Variants in NBPF20 observed in about 807,000 individuals in gnomAD.
The protein encoded by NBPF20 is NBPF member 20.
A neutral mutation model predicts 68.1 loss-of-function variants in NBPF20; 90 were observed. The ratio of observed to expected loss-of-function variants is 1.32; its 90% confidence interval spans 1.11 to 1.58. The LOEUF (loss-of-function observed/expected upper bound fraction) is 1.58. Among genes scored for constraint, NBPF20 ranks in the 40% most tolerant of loss-of-function variants. NBPF20 has a pLI of 0.00. For synonymous variants in NBPF20, 290 were observed against 228.1 expected, an observed-to-expected ratio of 1.27 and a Z score of -2.45; for missense variants, 816 against 601.2, an observed-to-expected ratio of 1.36 and a Z score of -3.74.
chr1:145,397,872 CT>C (rs1441038432), intron 7 of NBPF20, among the ~76,000 whole-genome samples: 6 of 151,942 alleles, frequency 3.9e-5, no homozygotes, highest in Admixed American at 6.6e-5. Flanking sequence ...TAGGCTCAAA[CT>C]AAAGGGATGG....
chr1:145,400,001 A>G (rs1290502610), intron 6 of NBPF20, among the ~76,000 whole-genome samples: 1 of 152,188 alleles, frequency 6.6e-6, no homozygotes, highest in African/African-American at 2.4e-5. Flanking sequence ...CGGGGGAACA[A>G]TATTTCCAAA....
intron 119 of NBPF20, among the ~76,000 whole-genome samples, chr1:145,306,380 C>A (rs1661411939): frequency 1.4e-5 from 2 of 141,806 alleles, no homozygotes; most frequent in African/African-American, 5.1e-5. Context: ...TAACAGGACA[C>A]TCTGAGTTAG....
upstream of NBPF20, among the ~76,000 whole-genome samples, chr1:145,409,351 G>A (rs868962751): frequency 6.8e-6 from 1 of 146,792 alleles, no homozygotes. Flanking sequence ...ATCCATACGT[G>A]GCAGGCCAGG....
chr1:145,394,020 G>A, intron 8 of NBPF20, 85 bp from the exon 14 acceptor site: 3 of 797,590 alleles, frequency 3.8e-6, no homozygotes, highest in Admixed American at 1.7e-5. Flanking sequence ...TCCTAACACA[G>A]GGACATCAGT....
chr1:145,415,366 T>C, the NBPF20 span, among the ~76,000 whole-genome samples: 1 of 151,694 alleles, frequency 6.6e-6, no homozygotes, highest in African/African-American at 2.4e-5. Context: ...CTTCCTCTTA[T>C]CTCAACTGCA....
intron 1 of NBPF20, 49 bp from the exon 7 acceptor site, chr1:145,405,356 C>G: frequency 1.3e-6 from 2 of 1,483,160 alleles, no homozygotes; most frequent in South Asian, 2.3e-5. Flanking sequence ...CTGGTGAAAT[C>G]AAATAGGTTT....
chr1:145,393,351 G>C (rs1415713945), intron 9 of NBPF20, 105 bp from the exon 15 acceptor site: 9,295 of 699,536 alleles, frequency 0.013, 82 homozygotes, highest in Non-Finnish European at 0.017. Flanking sequence ...AAAAGAAAAA[G>C]GACAGATCCA....
intron 137 of NBPF20, 52 bp from the exon 143 acceptor site, chr1:145,291,821 A>T (rs1422082188): frequency 4.3e-6 from 7 of 1,611,952 alleles, no homozygotes; most frequent in Non-Finnish European, 5.1e-6. Context: ...CAGAAACCAC[A>T]GAGCCCCACT....
intron 137 of NBPF20, 99 bp from the exon 143 acceptor site, chr1:145,291,868 GA>G (rs1174390628): frequency 6.3e-7 from 1 of 1,598,308 alleles, no homozygotes; most frequent in Non-Finnish European, 8.5e-7. Context: ...GGTTAGAAAA[GA>G]AAAAGGATAG....
the NBPF20 span, among the ~76,000 whole-genome samples, chr1:145,422,591 T>C: frequency 3.3e-5 from 5 of 151,464 alleles, no homozygotes; most frequent in Non-Finnish European, 7.4e-5. Context: ...TGGATGACCA[T>C]GCAGTCATCC....
intron 113 of NBPF20, among the ~76,000 whole-genome samples, chr1:145,311,075 T>G (rs1571348323): frequency 1.4e-5 from 1 of 72,560 alleles, no homozygotes; most frequent in Non-Finnish European, 2.5e-5. Flanking sequence ...GCTCAGCGAG[T>G]TGGCCGGGTG....
chr1:145,408,779 G>A (rs1662903250), upstream of NBPF20, among the ~76,000 whole-genome samples: 1 of 151,848 alleles, frequency 6.6e-6, no homozygotes, highest in African/African-American at 2.4e-5. Flanking sequence ...GCTTTTAGGG[G>A]CCTCGTACCT....
upstream of NBPF20, chr1:145,405,604 T>C (rs1553667060): frequency 2.7e-6 from 2 of 732,550 alleles, no homozygotes; most frequent in South Asian, 1.9e-5. Context: ...GGGGGTGTCA[T>C]GGAATCTTAG....
chr1:145,408,128 G>A, upstream of NBPF20: 1 of 217,924 alleles, frequency 4.6e-6, no homozygotes, highest in East Asian at 1.1e-4. Flanking sequence ...TCATCAGCAA[G>A]TAATGTTATG....
chr1:145,292,047 G>A (rs191053052), intron 137 of NBPF20, among the ~76,000 whole-genome samples: 1 of 149,412 alleles, frequency 6.7e-6, no homozygotes, highest in Non-Finnish European at 1.5e-5. Flanking sequence ...GGAGTCAAAG[G>A]ACACTCTGAG....
intron 109 of NBPF20, among the ~76,000 whole-genome samples, chr1:145,314,239 C>CAG (rs1661516369): frequency 7.1e-6 from 1 of 140,754 alleles, no homozygotes; most frequent in Non-Finnish European, 1.5e-5. Context: ...CACACACACA[C>CAG]AGACACACAC....
At chr1:145,291,916 T>C (rs373377739) in intron 137 of NBPF20, 147 bp from the exon 143 acceptor site, 50 of 1,516,474 alleles carry the variant, frequency 3.3e-5, no homozygotes, top group Admixed American at 8.2e-5. Context: ...TTATTGCCTA[T>C]ATGTTGGGAT....
intron 136 of NBPF20, 83 bp from the exon 142 acceptor site, chr1:145,292,572 G>A: frequency 1.4e-6 from 1 of 739,338 alleles, no homozygotes. Context: ...CCTCACACAG[G>A]GACCTCAGGC....
At chr1:145,295,124 A>G (rs1206936088) in intron 133 of NBPF20, 170 bp from the exon 139 acceptor site, 1 of 623,646 alleles carries the variant, frequency 1.6e-6, no homozygotes, top group Non-Finnish European at 2.8e-6. Flanking sequence ...GGCCAGGTAG[A>G]AAAGAATGAA....
Sources: allele counts gnomAD v4.1 joint callset (sites outside exome capture counted in the v4.1 genomes callset), GRCh38; gene constraint gnomAD v4.1.1; transcripts MANE v1.5; gene names NCBI Gene and HGNC (gene_info 2026-07-23, HGNC 2026-07-21).